PLEKHA1: variants seen among roughly 807,000 people sequenced by gnomAD.
PLEKHA1 encodes the protein pleckstrin homology domain-containing family A member 1.
PLEKHA1 carries 34 observed loss-of-function variants against 52.0 expected under a neutral mutation model. That is an observed-to-expected ratio of 0.65 (90% CI 0.50 to 0.87). The LOEUF is 0.87. PLEKHA1 is among the 40% of genes least tolerant of loss of function. The pLI, the probability that PLEKHA1 is intolerant of heterozygous loss-of-function variation, is 0.00. For missense variants in PLEKHA1, 497 were observed against 504.2 expected (o/e 0.99, Z 0.14); for synonymous variants, 163 against 170.7 (o/e 0.95, Z 0.35).
chr10:122,387,339 A>G (rs972784447), intron 1 of PLEKHA1: 5 of 152,148 alleles, frequency 3.3e-5, no homozygotes, highest in Admixed American at 2.6e-4. Context: ...TTTGACTTTT[A>G]AAATTTTTCA....
chr10:122,401,393 A>G (rs1316629921), intron 4 of PLEKHA1, among the ~76,000 whole-genome samples: 3 of 152,140 alleles, frequency 2.0e-5, no homozygotes, highest in Non-Finnish European at 4.4e-5. Context: ...TGTCTTTTGA[A>G]CTACTGTACT....
rs779529048 is a variant in PLEKHA1, at chr10:122,393,377, C to G, written c.141+36C>G. 6 of 1,561,922 alleles carry G rather than the reference C, an allele frequency of 3.8e-6. No homozygotes were observed. In the South Asian group the frequency reaches 7.5e-5, roughly 20 times the overall value. The stretch of plus-strand genomic sequence containing the variant: ...TCCCAAGGATTATCTTTTAAAAGCA[C>G]AGAAAGTTGTATTTAAGTATTTAAC... On this transcript the variant is annotated intron_variant, in intron 2 of 11. Transcript: ENST00000368990. The surrounding 1 kb of genome is among the most constrained non-coding windows in gnomAD (Gnocchi z 4.5).
chr10:122,425,424 A>T (rs968458953), intron 10 of PLEKHA1: 2 of 152,296 alleles, frequency 1.3e-5, no homozygotes, highest in Non-Finnish European at 2.9e-5. Context: ...GGAAAATTTT[A>T]AAAAAAGATT....
At chr10:122,397,681 A>G (rs1231469499) in intron 2 of PLEKHA1, among the ~76,000 whole-genome samples, 2 of 152,110 alleles carry the variant, frequency 1.3e-5, no homozygotes, top group Non-Finnish European at 2.9e-5. Context: ...AGTGATAAAA[A>G]TAGCCTTTTA....
downstream of PLEKHA1, chr10:122,434,836 G>C (rs1319806381): frequency 8.8e-5 from 13 of 147,574 alleles, no homozygotes; most frequent in Admixed American, 7.6e-4. Flanking sequence ...TTTTGTCCTT[G>C]CGATAGTTTA....
At chr10:122,432,763 G>C (rs528084280), downstream of PLEKHA1, 1 of 152,264 alleles carries the variant, frequency 6.6e-6, no homozygotes, top group South Asian at 2.1e-4. Flanking sequence ...AAAAAACTAT[G>C]TCGGGTGTTA....
chr10:122,437,206 G>A (rs2097441754), downstream of PLEKHA1: 1 of 151,890 alleles, frequency 6.6e-6, no homozygotes, highest in Non-Finnish European at 1.5e-5. Flanking sequence ...CTTTTTGCCT[G>A]TCTAGTTTGA....
chr10:122,433,419 G>A (rs2097427163), downstream of PLEKHA1: 1 of 152,238 alleles, frequency 6.6e-6, no homozygotes, highest in Admixed American at 6.5e-5. Context: ...AGCATCATTA[G>A]GATCTGTGCC....
chr10:122,388,448 C>T lies in PLEKHA1; in HGVS notation c.-20-4733C>T, dbSNP rs144802353. On this transcript the variant is annotated intron_variant, in intron 1 of 11. Coordinates refer to ENST00000368990, the MANE Select transcript of PLEKHA1 (RefSeq NM_001001974.4). ...TATTTGTGAGTAGTGCTGCTATGAACATTTCATATACAAGGGTTTATTTGA... is the reference window on the plus strand; with the variant it reads ...TATTTGTGAGTAGTGCTGCTATGAATATTTCATATACAAGGGTTTATTTGA... 4.0e-3 allele frequency among the ~76,000 whole-genome samples: 608 copies of T among 152,254 alleles called. 3 individuals carry two copies. Among genetic ancestry groups the T allele is most frequent in the African/African-American group, 0.014 (577 of 41,544 alleles).
chr10:122,433,782 C>T (rs745683418), downstream of PLEKHA1: 8 of 152,134 alleles, frequency 5.3e-5, no homozygotes, highest in African/African-American at 1.4e-4. Context: ...TTCTGTTAGA[C>T]GATGGATATG....
At chr10:122,427,426 T>G (rs1263755751) in intron 11 of PLEKHA1, among the ~76,000 whole-genome samples, 1 of 152,218 alleles carries the variant, frequency 6.6e-6, no homozygotes, top group African/African-American at 2.4e-5. Flanking sequence ...AATTTCCTCT[T>G]TACTTCCTCT....
At chr10:122,409,728 A>G (rs978156773) in intron 5 of PLEKHA1, among the ~76,000 whole-genome samples, 25 of 152,070 alleles carry the variant, frequency 1.6e-4, no homozygotes, top group Admixed American at 1.0e-3. Flanking sequence ...TTGTGTCTGC[A>G]CGTTTTTATC....
rs934391593 is a variant in PLEKHA1, at chr10:122,424,347, A to G, written c.746+84A>G. 5.0e-6 allele frequency: 7 copies of G among 1,401,352 alleles called. No homozygotes were observed. The African/African-American group carries it at 1.0e-4, about 21-fold the overall frequency. The allele number at this position is 1,401,352 out of a possible 1,614,324, so 86.8% of individuals were successfully genotyped here. A position where few individuals can be genotyped will look rare whatever the true frequency, so the allele number is the denominator to read the frequency against. On this transcript the variant is annotated intron_variant, in intron 9 of 11. Transcript: ENST00000368990. ...AGTTTGAGTAATGTACTTACAGATT[A>G]CATTTTTCCATATTAATTGTAGTTA...
chr10:122,414,577 TAGAA>T (rs1263865161), intron 6 of PLEKHA1, among the ~76,000 whole-genome samples: 2 of 152,072 alleles, frequency 1.3e-5, no homozygotes, highest in African/African-American at 4.8e-5. Context: ...ATCTAGAACA[TAGAA>T]AGAACTCAGA....
intron 6 of PLEKHA1, among the ~76,000 whole-genome samples, chr10:122,414,892 G>T (rs991780674): frequency 6.0e-5 from 9 of 149,080 alleles, no homozygotes; most frequent in East Asian, 2.0e-4. Flanking sequence ...TTTATGTTTT[G>T]TTTTTTTTTT....
chr10:122,415,556 T>G (rs2097162394), intron 6 of PLEKHA1, among the ~76,000 whole-genome samples: 1 of 152,244 alleles, frequency 6.6e-6, no homozygotes, highest in South Asian at 2.1e-4. Flanking sequence ...ACATAGGACC[T>G]GTTGTACTTT....
Position 122,429,895 on chromosome 10 carries a change from T to C in PLEKHA1, c.1172T>C (p.Leu391Pro). 1 of 1,614,140 alleles carries C rather than the reference T, an allele frequency of 6.2e-7. No homozygotes were observed. The change falls in exon 12 of 12, where the codon CTA becomes CCA. Residue 391 changes from leucine to proline, a missense_variant. By Grantham distance (98) the Leu-to-Pro change is moderately conservative (BLOSUM62 -3). Coordinates refer to ENST00000368990, the MANE Select transcript of PLEKHA1 (RefSeq NM_001001974.4). ...KNGPQEKDCD[L>P]VDLDDASLPV... ...GGCCCTCAGGAAAAAGATTGTGACCTAGTAGACTTGGACGATGCGAGCCTT... is the reference window on the plus strand; with the variant it reads ...GGCCCTCAGGAAAAAGATTGTGACCCAGTAGACTTGGACGATGCGAGCCTT...
At position 122,393,269 on chromosome 10, in the gene PLEKHA1, G is replaced by T. The variant is rs1272199123; in HGVS notation, c.69G>T (p.Gly23=). 1 of 1,613,048 alleles carries T rather than the reference G, an allele frequency of 6.2e-7. No homozygotes were observed. Among genetic ancestry groups the T allele is most frequent in the Admixed American group, 1.7e-5 (1 of 59,902 alleles). Reference sequence around the variant, plus strand: ...ACATTGAAGAAAATGAAAACAGTGGGAAATTTCTTCGAAGGTACTTCATAC... The same window carrying T: ...ACATTGAAGAAAATGAAAACAGTGGTAAATTTCTTCGAAGGTACTTCATAC... ...FLDIEENENS[G]KFLRRYFILD... Residue 23 remains glycine, a synonymous_variant, in exon 2 of 12, where the codon GGG becomes GGT. Coordinates refer to ENST00000368990, the MANE Select transcript of PLEKHA1 (RefSeq NM_001001974.4). This position sits in a 1 kb window ranked among gnomAD's most constrained non-coding sequence, Gnocchi z 4.5.
chr10:122,426,874 T>C (rs1032505807), intron 10 of PLEKHA1, 68 bp from the exon 11 acceptor site: 3 of 1,285,388 alleles, frequency 2.3e-6, no homozygotes, highest in African/African-American at 3.0e-5. Context: ...TCAAAATAAA[T>C]ACATTGGCTG....
Sources: gnomAD v4.1 joint callset for allele counts (sites outside exome capture counted in the v4.1 genomes callset) on GRCh38, gnomAD v4.1.1 for gene constraint, Gnocchi (gnomAD v3.1) non-coding constraint, MANE v1.5 for transcripts, NCBI Gene and HGNC (gene_info 2026-07-23, HGNC 2026-07-21) for gene names.